The following ITGB4 variants were observed in gnomAD, a reference collection of about 807,000 sequenced individuals.
ITGB4 encodes the protein integrin beta-4.
A neutral mutation model predicts 207.6 loss-of-function variants in ITGB4; 159 were observed. That is an observed-to-expected ratio of 0.77 (90% CI 0.67 to 0.87). The LOEUF (loss-of-function observed/expected upper bound fraction) is 0.87. Among genes scored for constraint, ITGB4 ranks in the 40% least tolerant of loss-of-function variants. ITGB4 has a pLI of 0.00. For synonymous variants in ITGB4, 1,020 were observed against 1,062.7 expected, an observed-to-expected ratio of 0.96 and a Z score of 0.78; for missense variants, 2,278 against 2,546.8, an observed-to-expected ratio of 0.89 and a Z score of 2.27.
Position 75,756,411 on chromosome 17 carries a change from C to T in ITGB4, c.4709-18C>T, listed in dbSNP as rs2061503581. 6.2e-7 allele frequency: 1 copy of T among 1,612,980 alleles called. No homozygotes were observed. The highest frequency in any genetic ancestry group is 8.5e-7 in the Non-Finnish European group (1 of 1,179,868). On this transcript the variant is annotated intron_variant, in intron 35 of 39. Transcript: ENST00000200181. ...GAGTAACACTGCACTACTGTGTGCC[C>T]CCACCTGATCCCCCCAGGTGAGCTG...
At chr17:75,748,385 C>T (rs897384923) in intron 26 of ITGB4, among the ~76,000 whole-genome samples, 2 of 140,454 alleles carry the variant, frequency 1.4e-5, no homozygotes, top group East Asian at 2.2e-4. Context: ...CAAACAGAAA[C>T]GTGGCTGGGC....
At chr17:75,743,987 G>A in intron 26 of ITGB4, 126 bp downstream of exon 26, 2 of 1,095,188 alleles carry the variant, frequency 1.8e-6, no homozygotes, top group Non-Finnish European at 2.6e-6. Flanking sequence ...GCCCCTGGCT[G>A]GCCTCCCAAG....
chr17:75,744,696 C>T (rs1363962709), intron 26 of ITGB4, among the ~76,000 whole-genome samples: 2 of 152,216 alleles, frequency 1.3e-5, no homozygotes, highest in Admixed American at 1.3e-4. Flanking sequence ...CACTGCTGAG[C>T]CCCAGTGCTG....
Position 75,729,800 on chromosome 17 carries a change from C to T in ITGB4, c.738+364C>T, listed in dbSNP as rs2060810977. ...AATAAGCCATTTCCTTTGATATGTA[C>T]ATCCATTTGTTCATTCTGAAAATGA... On this transcript the variant is annotated intron_variant, in intron 7 of 39. Coordinates refer to ENST00000200181, the MANE Select transcript of ITGB4 (RefSeq NM_000213.5). The surrounding 1 kb of genome is among the most constrained non-coding windows in gnomAD (Gnocchi z 4.4). Among the ~76,000 whole-genome samples the T allele has an allele frequency of 6.6e-6, 1 of 152,228 alleles. No individual in the cohort carries two copies. Among genetic ancestry groups the T allele is most frequent in the South Asian group, 2.1e-4 (1 of 4,834 alleles).
rs1263282937 is a variant in ITGB4, at chr17:75,733,655, C to T, written c.1620C>T (p.Asn540=). The change falls in exon 13 of 40, where the codon AAC becomes AAT. Residue 540 remains asparagine (N), a synonymous_variant. Coordinates refer to ENST00000200181, the MANE Select transcript of ITGB4 (RefSeq NM_000213.5). ...AGGGTCAGTTCTGCGAGTATGACAACTTCCAGTGTCCCCGCACTTCCGGGT... is the reference window on the plus strand; with the variant it reads ...AGGGTCAGTTCTGCGAGTATGACAATTTCCAGTGTCCCCGCACTTCCGGGT... ...RYEGQFCEYD[N]FQCPRTSGFL... 2.5e-6 allele frequency: 4 copies of T among 1,614,084 alleles called. No individual in the cohort carries two copies. Among genetic ancestry groups the T allele is most frequent in the African/African-American group, 1.3e-5 (1 of 74,952 alleles).
At position 75,750,619 on chromosome 17, in the gene ITGB4, G is replaced by A. The variant is rs2061345706; in HGVS notation, c.3475-61G>A. ...ACAGTAAGGGCAGAGGTCAGAGGAG[G>A]GACAGGCAGCTTGGGTGCCTGCTGC... On this transcript the variant is annotated intron_variant, in intron 28 of 39. Transcript: ENST00000200181. This position sits in a 1 kb window ranked among gnomAD's most constrained non-coding sequence, Gnocchi z 5.5. 1.4e-6 allele frequency: 2 copies of A among 1,468,896 alleles called. No homozygotes were observed. The highest frequency in any genetic ancestry group is 1.9e-6 in the Non-Finnish European group (2 of 1,056,804). 91.0% of individuals were successfully genotyped at this position (1,468,896 alleles called of 1,614,324 possible).
At position 75,753,893 on chromosome 17, in the gene ITGB4, C is replaced by A. The variant is rs2061426325; in HGVS notation, c.4237C>A (p.Pro1413Thr). 1.5e-6 allele frequency: 2 copies of A among 1,302,388 alleles called. No individual in the cohort carries two copies. The highest frequency in any genetic ancestry group is 3.1e-5 in the African/African-American group (2 of 64,922). 80.7% of individuals were successfully genotyped at this position (1,302,388 alleles called of 1,614,324 possible). A position where few individuals can be genotyped will look rare whatever the true frequency, so the allele number is the denominator to read the frequency against. ...CGGGCGCTCCTCCGACGCCGAGGCG[C>A]CCCACGGGCCCCCGGACGACGGCGG... ...SSGRSSDAEA[P>T]HGPPDDGGAG... The change falls in exon 33 of 40, where the codon CCC becomes ACC. Residue 1413 changes from proline to threonine, a missense_variant. Pro to Thr is a conservative substitution (Grantham distance 38). Transcript: ENST00000200181.
In ITGB4 at chr17:75,742,900, T is replaced by C. The variant is rs372373020; in HGVS notation, c.2962+139T>C. ...CTGCAAGCCTTGGTTTCTCCATCTG[T>C]AAAATGGGTAAGGGCTCTTTTACGG... is the stretch of plus-strand genomic sequence containing the variant. On this transcript the variant is annotated intron_variant, in intron 25 of 39. Transcript: ENST00000200181. This position sits in a 1 kb window ranked among gnomAD's most constrained non-coding sequence, Gnocchi z 5.9. 32 of 792,420 alleles carry C rather than the reference T, an allele frequency of 4.0e-5. No homozygotes were observed. In the African/African-American group the frequency reaches 5.3e-4, roughly 13 times the overall value. 49.1% of individuals were successfully genotyped at this position (792,420 alleles called of 1,614,324 possible).
chr17:75,742,633 G>C lies in ITGB4; in HGVS notation c.2834G>C (p.Arg945Pro), dbSNP rs141953294. 1 of 1,614,030 alleles carries C rather than the reference G, an allele frequency of 6.2e-7. No homozygotes were observed. The highest frequency in any genetic ancestry group is 8.5e-7 in the Non-Finnish European group (1 of 1,180,012). ...FQEGVELVDV[R>P]VPLFIRPEDD... is the part of the protein sequence containing the mutation. ...GAGGGCGTGGAGCTGGTGGACGTAC[G>C]GGTGCCCCTCTTTATCCGGCCTGAG... The change falls in exon 25 of 40, where the codon CGG (arginine) becomes CCG (proline). Residue 945 changes from arginine to proline, a missense_variant. By Grantham distance (103) the Arg-to-Pro change is moderately radical (BLOSUM62 -2). Coordinates refer to ENST00000200181, the MANE Select transcript of ITGB4 (RefSeq NM_000213.5). The surrounding 1 kb of genome is among the most constrained non-coding windows in gnomAD (Gnocchi z 5.9).
At chr17:75,749,644 C>A (rs1293481828) in intron 27 of ITGB4, among the ~76,000 whole-genome samples, 2 of 152,210 alleles carry the variant, frequency 1.3e-5, no homozygotes, top group Non-Finnish European at 2.9e-5. Context: ...GGAATTCTCC[C>A]ATCAGACCCT....
chr17:75,725,609 G>A (rs1046581059), intron 2 of ITGB4, among the ~76,000 whole-genome samples: 1 of 152,104 alleles, frequency 6.6e-6, no homozygotes, highest in Non-Finnish European at 1.5e-5. Flanking sequence ...CCATCGCACT[G>A]GCCACCACAG....
In ITGB4 at chr17:75,732,388, C is replaced by T. The variant is rs2060882849; in HGVS notation, c.1454+149C>T. 2.6e-6 allele frequency: 2 copies of T among 758,006 alleles called. No individual in the cohort carries two copies. The highest frequency in any genetic ancestry group is 4.1e-5 in the Admixed American group (2 of 49,314). The allele number at this position is 758,006 out of a possible 1,614,324, so 47.0% of individuals were successfully genotyped here. On this transcript the variant is annotated intron_variant, in intron 12 of 39. Transcript: ENST00000200181. This position sits in a 1 kb window ranked among gnomAD's most constrained non-coding sequence, Gnocchi z 5.3. ...AAGAAACGGCTAAGGGCGGGGCACA[C>T]CCAGTTGTTGGTCAAACCCAGGTCA...
intron 6 of ITGB4, among the ~76,000 whole-genome samples, chr17:75,728,716 G>A (rs576181345): frequency 7.2e-5 from 11 of 152,114 alleles, no homozygotes; most frequent in Non-Finnish European, 1.6e-4. Context: ...TGGGCGCGGT[G>A]GTTCACGCCT....
In ITGB4 at chr17:75,731,742, C is replaced by A; in HGVS notation, c.1216-70C>A. On this transcript the variant is annotated intron_variant, in intron 10 of 39. Transcript: ENST00000200181. The surrounding 1 kb of genome is among the most constrained non-coding windows in gnomAD (Gnocchi z 6.8). Reference sequence around the variant, plus strand: ...CTCCTAGGAACTTGGGGGCCGAGGGCCTTCAGGCATCGATGGCCCCCTGGT... The same window carrying A: ...CTCCTAGGAACTTGGGGGCCGAGGGACTTCAGGCATCGATGGCCCCCTGGT... 6.8e-7 allele frequency: 1 copy of A among 1,481,206 alleles called. No individual in the cohort carries two copies. Among genetic ancestry groups the A allele is most frequent in the Non-Finnish European group, 9.1e-7 (1 of 1,104,120 alleles). 91.8% of individuals were successfully genotyped at this position (1,481,206 alleles called of 1,614,324 possible). A position where few individuals can be genotyped will look rare whatever the true frequency, so the allele number is the denominator to read the frequency against.
intron 1 of ITGB4, among the ~76,000 whole-genome samples, chr17:75,724,063 A>G (rs1333058073): frequency 6.6e-6 from 1 of 152,154 alleles, no homozygotes; most frequent in Non-Finnish European, 1.5e-5. Flanking sequence ...GGGCCCAGAA[A>G]ACTTAACTCT....
At chr17:75,748,790 C>G in intron 26 of ITGB4, 51 bp from the exon 27 acceptor site, 1 of 1,434,938 alleles carries the variant, frequency 7.0e-7, no homozygotes, top group Non-Finnish European at 9.6e-7. Context: ...GGCCATGACT[C>G]TTGCCTCAGC....
In ITGB4 at chr17:75,740,107, T is replaced by A; in HGVS notation, c.2446+36T>A. On this transcript the variant is annotated intron_variant, in intron 20 of 39. Transcript: ENST00000200181. The surrounding 1 kb of genome is among the most constrained non-coding windows in gnomAD (Gnocchi z 5.9). ...GGCTGGGCGCCACAGCTCTGGGCAGTGCCCTTCGGGCCCTCTGTTCCAGAT... is the reference window on the plus strand; with the variant it reads ...GGCTGGGCGCCACAGCTCTGGGCAGAGCCCTTCGGGCCCTCTGTTCCAGAT... The A allele has an allele frequency of 6.3e-7, 1 of 1,583,320 alleles. No individual in the cohort carries two copies. Among genetic ancestry groups the A allele is most frequent in the Non-Finnish European group, 8.6e-7 (1 of 1,163,530 alleles).
At chr17:75,751,835 G>A (rs1568379298) in intron 30 of ITGB4, 1 of 411,254 alleles carries the variant, frequency 2.4e-6, no homozygotes, top group Non-Finnish European at 4.6e-6. Flanking sequence ...CTCCAGTCCT[G>A]GAAGGGAGGC....
Position 75,740,683 on chromosome 17 carries a change from A to G in ITGB4, c.2551-110A>G. ...TGCCCCACGGGGCATGCCCCAGCCA[A>G]CCCTGAGGATCTCTGGGTACAGAGG... On this transcript the variant is annotated intron_variant, in intron 21 of 39. Coordinates refer to ENST00000200181, the MANE Select transcript of ITGB4 (RefSeq NM_000213.5). The surrounding 1 kb of genome is among the most constrained non-coding windows in gnomAD (Gnocchi z 5.9). 7.7e-7 allele frequency: 1 copy of G among 1,291,218 alleles called. No homozygotes were observed. Among genetic ancestry groups the G allele is most frequent in the Non-Finnish European group, 1.1e-6 (1 of 891,280 alleles). The allele number at this position is 1,291,218 out of a possible 1,614,324, so 80.0% of individuals were successfully genotyped here. A position where few individuals can be genotyped will look rare whatever the true frequency, so the allele number is the denominator to read the frequency against.
Sources: allele counts gnomAD v4.1 joint callset (sites outside exome capture counted in the v4.1 genomes callset), GRCh38; gene constraint gnomAD v4.1.1; non-coding constraint Gnocchi (gnomAD v3.1); transcripts MANE v1.5; gene names NCBI Gene and HGNC (gene_info 2026-07-23, HGNC 2026-07-21).